PCYT1B: variants seen among roughly 807,000 people sequenced by gnomAD.
PCYT1B encodes the protein phosphate cytidylyltransferase 1B, choline.
Under a neutral mutation model 26.4 loss-of-function variants are expected in PCYT1B, and 10 were observed. The observed-to-expected ratio is 0.38, with a 90% CI of 0.23 to 0.64. The LOEUF (loss-of-function observed/expected upper bound fraction) is 0.64, where lower values mean the gene tolerates loss of function less well. PCYT1B is among the 30% of genes least tolerant of loss of function. The pLI, the probability that PCYT1B is intolerant of heterozygous loss-of-function variation, is 0.56. For synonymous variants in PCYT1B, 131 were observed against 108.4 expected, an observed-to-expected ratio of 1.21 and a Z score of -1.29; for missense variants, 161 against 292.7, an observed-to-expected ratio of 0.55 and a Z score of 3.28.
At chrX:24,569,371 T>G (rs1364260490) in intron 7 of PCYT1B, among the ~76,000 whole-genome samples, 1 of 111,014 alleles carries the variant, frequency 9.0e-6, no homozygotes, top group Non-Finnish European at 1.9e-5. Context: ...GCGGCCACTA[T>G]GGAAAACAGT....
chrX:24,649,067 T>C (rs1407486297), upstream of PCYT1B, among the ~76,000 whole-genome samples: 1 of 111,036 alleles, frequency 9.0e-6, no homozygotes, highest in Non-Finnish European at 1.9e-5. Context: ...CTTAAGAGTA[T>C]TATGACCTAT....
chrX:24,614,315 G>A (rs1439130663), intron 2 of PCYT1B, among the ~76,000 whole-genome samples: 1 of 112,332 alleles, frequency 8.9e-6, no homozygotes, highest in Admixed American at 9.5e-5. Context: ...TGTTTGGGCA[G>A]TTCTAAATTT....
intron 1 of PCYT1B, among the ~76,000 whole-genome samples, chrX:24,633,209 CA>C (rs1173874144): frequency 0.074 from 1,236 of 16,721 alleles, 6 homozygotes; most frequent in Admixed American, 0.1. Context: ...GACTATGTCT[CA>C]AAAAAAAAAA....
chrX:24,607,909 C>T, intron 2 of PCYT1B, 48 bp from the exon 3 acceptor site: 1 of 647,459 alleles, frequency 1.5e-6, no homozygotes, highest in Non-Finnish European at 2.5e-6. Context: ...AATGAGGAAT[C>T]CCAGTTACCT....
intron 3 of PCYT1B, among the ~76,000 whole-genome samples, chrX:24,592,977 G>A (rs867529516): frequency 7.2e-5 from 8 of 111,328 alleles, no homozygotes; most frequent in Non-Finnish European, 1.1e-4. Context: ...GCAATGGCAC[G>A]ATCTTGGCTC....
Position 24,562,270 on chromosome X carries a change from C to T in PCYT1B, c.*23G>A, listed in dbSNP as rs748410398. ...GCCCTCCTCCCCATCCTGCATGGTGCGGCTCTTGCCTCCCAGCAGCCTCTA... is the reference window on the plus strand; with the variant it reads ...GCCCTCCTCCCCATCCTGCATGGTGTGGCTCTTGCCTCCCAGCAGCCTCTA... On this transcript the variant is annotated 3_prime_UTR_variant, in exon 8 of 8. Transcript: ENST00000379144. 6.9e-6 allele frequency: 8 copies of T among 1,151,569 alleles called. No individual in the cohort carries two copies. The highest frequency in any genetic ancestry group is 3.1e-5 in the East Asian group (1 of 32,170). The allele number at this position is 1,151,569 out of a possible 1,213,427, so 94.9% of individuals were successfully genotyped here.
chrX:24,637,491 A>AAAAATAT, intron 1 of PCYT1B, among the ~76,000 whole-genome samples: 1 of 52,894 alleles, frequency 1.9e-5, no homozygotes, highest in Non-Finnish European at 2.9e-5. Flanking sequence ...AAAAAAAAAA[A>AAAAATAT]ATATATATAT....
At chrX:24,651,796 T>C (rs888494860), upstream of PCYT1B, among the ~76,000 whole-genome samples, 1 of 108,843 alleles carries the variant, frequency 9.2e-6, no homozygotes, top group East Asian at 2.9e-4. Context: ...ATTACAAGCA[T>C]GAGGCACCGC....
intron 2 of PCYT1B, among the ~76,000 whole-genome samples, chrX:24,613,796 T>C (rs186427755): frequency 2.9e-3 from 315 of 107,210 alleles, no homozygotes; most frequent in Non-Finnish European, 5.3e-3. Flanking sequence ...CTACAAAAAA[T>C]ACAAAAAATA....
chrX:24,625,534 G>T (rs1188624018), intron 1 of PCYT1B, among the ~76,000 whole-genome samples: 1 of 109,135 alleles, frequency 9.2e-6, no homozygotes, highest in Admixed American at 1.0e-4. Flanking sequence ...AGAAAAAAGA[G>T]GCCCAGTATG....
chrX:24,576,858 C>T (rs1382661311), intron 6 of PCYT1B, among the ~76,000 whole-genome samples: 1 of 111,652 alleles, frequency 9.0e-6, no homozygotes, highest in Non-Finnish European at 1.9e-5. Flanking sequence ...ACATAGTCAT[C>T]CTACCCACCC....
intron 3 of PCYT1B, among the ~76,000 whole-genome samples, chrX:24,598,680 T>C (rs1382972007): frequency 3.6e-5 from 4 of 112,490 alleles, no homozygotes; most frequent in Non-Finnish European, 7.5e-5. Context: ...TTATATTAGA[T>C]CTACATCATT....
At chrX:24,581,100 A>G (rs1924191658) in intron 5 of PCYT1B, among the ~76,000 whole-genome samples, 1 of 112,006 alleles carries the variant, frequency 8.9e-6, no homozygotes, top group Non-Finnish European at 1.9e-5. Flanking sequence ...AGTCTCCAGC[A>G]ATGTCATTTT....
intron 1 of PCYT1B, among the ~76,000 whole-genome samples, chrX:24,670,168 A>G (rs1927227906): frequency 1.9e-5 from 2 of 104,717 alleles, no homozygotes; most frequent in East Asian, 3.2e-4. Context: ...GGGAATATAA[A>G]TAATATCTAC....
intron 1 of PCYT1B, among the ~76,000 whole-genome samples, chrX:24,656,231 G>GT (rs1174324530): frequency 1.0e-5 from 1 of 100,181 alleles, no homozygotes; most frequent in Non-Finnish European, 2.0e-5. Context: ...GGGGGTCGCG[G>GT]GGGGGGGTGG....
chrX:24,648,449 A>ATTTTTTTTTTTTTTTTTTTTT (rs57744798), upstream of PCYT1B, among the ~76,000 whole-genome samples: 10 of 39,723 alleles, frequency 2.5e-4, 3 homozygotes, highest in African/African-American at 1.3e-3. Context: ...ATTTGAAGGA[A>ATTTTTTTTTTTTTTTTTTTTT]TTTTTTTTTT....
intron 1 of PCYT1B, among the ~76,000 whole-genome samples, chrX:24,625,252 A>G (rs1218140103): frequency 8.9e-6 from 1 of 112,572 alleles, no homozygotes; most frequent in African/African-American, 3.2e-5. Context: ...ATTCAGAATT[A>G]CAAAAAGACA....
chrX:24,617,521 C>T (rs1364614254), intron 2 of PCYT1B, among the ~76,000 whole-genome samples: 1 of 102,550 alleles, frequency 9.8e-6, no homozygotes, highest in Non-Finnish European at 2.0e-5. Flanking sequence ...GATCTCGGCT[C>T]ACTGCAACCT....
chrX:24,563,127 C>T (rs1452977418), intron 7 of PCYT1B, among the ~76,000 whole-genome samples: 4 of 111,359 alleles, frequency 3.6e-5, no homozygotes, highest in East Asian at 2.8e-4. Context: ...TCATGACCTA[C>T]GGACTGGAGG....
Sources: allele counts gnomAD v4.1 joint callset (sites outside exome capture counted in the v4.1 genomes callset), GRCh38; gene constraint gnomAD v4.1.1; transcripts MANE v1.5; gene names NCBI Gene and HGNC (gene_info 2026-07-23, HGNC 2026-07-21).